ARHGEF3: variants seen among roughly 807,000 people sequenced by gnomAD.
ARHGEF3 encodes the protein 59.8 kDA protein.
ARHGEF3 carries 28 observed loss-of-function variants against 63.2 expected under a neutral mutation model. The observed-to-expected ratio is 0.44, with a 90% CI of 0.33 to 0.61. ARHGEF3 has a LOEUF of 0.61. Ranked by LOEUF, ARHGEF3 falls within the 20% of genes least tolerant of loss-of-function variation. The probability of loss-of-function intolerance (pLI) is 0.03; values close to 1 mark genes in which losing one functional copy is unlikely to be tolerated. For synonymous variants in ARHGEF3, 266 were observed against 254.2 expected (o/e 1.05, Z -0.44); for missense variants, 533 against 659.3 (o/e 0.81, Z 2.10).
rs376626083 is a variant in ARHGEF3 at position 56,729,449 on chromosome 3, G to C, written c.1402C>G (p.Leu468Val). The C allele has an allele frequency of 5.8e-5, 94 of 1,613,940 alleles. No homozygotes were observed. Among genetic ancestry groups the C allele is most frequent in the Admixed American group, 1.3e-4 (8 of 59,990 alleles). Residue 468 changes from leucine to valine, a missense_variant, in exon 10 of 10, where the codon CTA becomes GTA. By Grantham distance (32) the Leu-to-Val change is conservative. This residue lies in a region of ARHGEF3 where 115 missense variants were observed against 103.4 expected (regional missense o/e 1.11). Coordinates refer to ENST00000296315, the MANE Select transcript of ARHGEF3 (RefSeq NM_019555.3). The part of the protein sequence containing the change: ...AGVLDSEGSF[L>V]NPTTGSRELQ... ...TCTCTGCTCCCGGTGGTGGGATTTAGGAACGATCCCTCGGAGTCAAGCACC... is the reference window on the plus strand; with the variant it reads ...TCTCTGCTCCCGGTGGTGGGATTTACGAACGATCCCTCGGAGTCAAGCACC...
intron 2 of ARHGEF3, among the ~76,000 whole-genome samples, chr3:56,960,147 T>A (rs956656660): frequency 3.3e-5 from 5 of 152,138 alleles, no homozygotes; most frequent in African/African-American, 1.2e-4. Flanking sequence ...ACAAAAGAGA[T>A]AAAATACAAG....
rs866259310 is a variant in ARHGEF3, at chr3:56,729,518, G to A, written c.1333C>T (p.Arg445Cys). ...FNKQQWLNCI[R>C]QAKETVLCAA... ...CACAAAACTGTTTCTTTGGCTTGAC[G>A]AATACAGTTAAGCCACTGCTGTTTG... is the stretch of plus-strand genomic sequence containing the variant. The change falls in exon 10 of 10, where the codon CGT becomes TGT. Residue 445 changes from arginine to cysteine, a missense_variant. Physicochemically the swap from Arg to Cys is radical, Grantham distance 180. Transcript: ENST00000296315. The A allele has an allele frequency of 7.4e-6, 12 of 1,614,170 alleles. No homozygotes were observed. The highest frequency in any genetic ancestry group is 1.0e-5 in the Non-Finnish European group (12 of 1,180,028).
chr3:56,989,196 A>C (rs1701653711), intron 2 of ARHGEF3, among the ~76,000 whole-genome samples: 1 of 152,208 alleles, frequency 6.6e-6, no homozygotes. Context: ...CTTTTTTAAA[A>C]TCTGAACTGA....
intron 2 of ARHGEF3, among the ~76,000 whole-genome samples, chr3:57,002,732 A>G (rs2107044199): frequency 6.8e-6 from 1 of 147,008 alleles, no homozygotes; most frequent in East Asian, 2.0e-4. Context: ...AGCACTTCAT[A>G]TATTATTTCA....
intron 3 of ARHGEF3, among the ~76,000 whole-genome samples, chr3:56,888,275 A>G (rs560178947): frequency 2.0e-5 from 3 of 152,316 alleles, no homozygotes; most frequent in East Asian, 3.9e-4. Context: ...TCCCTGACCA[A>G]CGAATCTATC....
Position 56,906,845 on chromosome 3 carries a change from A to AAAAG in ARHGEF3, c.130-24495_130-24492dup, listed in dbSNP as rs1295502057. On this transcript the variant is annotated intron_variant, in intron 3 of 12. Coordinates refer to the ARHGEF3 transcript ENST00000338458. ...GAGCGAGACTCTGTCTCAAAAAAAA[A>AAAAG]AAAGAAAGAAAGAAAGAAAGAAATA... is the stretch of plus-strand genomic sequence containing the variant. 8.3e-4 allele frequency among the ~76,000 whole-genome samples: 126 copies of AAAAG among 151,972 alleles called. No homozygotes were observed. The Middle Eastern group carries it at 0.01, about 12-fold the overall frequency.
chr3:56,733,274 C>G (rs2033324362), intron 8 of ARHGEF3, among the ~76,000 whole-genome samples: 1 of 117,176 alleles, frequency 8.5e-6, no homozygotes, highest in Non-Finnish European at 1.6e-5. Context: ...CAGTGTGAGA[C>G]TCCATCTAAA....
At chr3:56,883,188 C>T (rs1385387978) in intron 3 of ARHGEF3, among the ~76,000 whole-genome samples, 1 of 152,102 alleles carries the variant, frequency 6.6e-6, no homozygotes, top group Non-Finnish European at 1.5e-5. Context: ...TGCTTTATAG[C>T]CATATGATTT....
At chr3:56,954,507 G>A (rs1490542720) in intron 3 of ARHGEF3, among the ~76,000 whole-genome samples, 1 of 152,142 alleles carries the variant, frequency 6.6e-6, no homozygotes, top group African/African-American at 2.4e-5. Context: ...CCCATTCTGT[G>A]AGGTTTTCTC....
At chr3:56,967,575 T>A (rs1374111690) in intron 2 of ARHGEF3, among the ~76,000 whole-genome samples, 1 of 88,032 alleles carries the variant, frequency 1.1e-5, no homozygotes, top group Non-Finnish European at 2.0e-5. Flanking sequence ...ATAATATATA[T>A]TATACATAAT....
chr3:57,054,944 C>T (rs569433713), intron 1 of ARHGEF3, among the ~76,000 whole-genome samples: 1 of 151,968 alleles, frequency 6.6e-6, no homozygotes, highest in East Asian at 2.0e-4. Context: ...CCATCGCACC[C>T]AGCAAAAAAA....
rs1477886439 is a variant in ARHGEF3, at chr3:56,813,347, C to T, written c.193-39531G>A. ...GTATTTTCTTTGCCACAGTCTATCC[C>T]ATTTTAATGCATGTTAGAGGTTTTC... On this transcript the variant is annotated intron_variant, in intron 4 of 12. Transcript: ENST00000338458. Among the ~76,000 whole-genome samples the T allele has an allele frequency of 2.0e-5, 3 of 152,174 alleles. No individual in the cohort carries two copies. In the East Asian group the frequency reaches 5.8e-4, roughly 29 times the overall value.
chr3:56,899,996 C>T (rs566620506), intron 3 of ARHGEF3, among the ~76,000 whole-genome samples: 3 of 152,278 alleles, frequency 2.0e-5, no homozygotes, highest in South Asian at 2.1e-4. Context: ...AAGATGGGCA[C>T]GTTATCTTTA....
chr3:57,018,145 G>A (rs1390860073), intron 2 of ARHGEF3, among the ~76,000 whole-genome samples: 1 of 152,042 alleles, frequency 6.6e-6, no homozygotes, highest in Admixed American at 6.6e-5. Context: ...TGGGCGTGGT[G>A]GCATATGCCT....
At chr3:56,928,081 C>T (rs1311239731) in intron 3 of ARHGEF3, among the ~76,000 whole-genome samples, 1 of 152,102 alleles carries the variant, frequency 6.6e-6, no homozygotes, top group Non-Finnish European at 1.5e-5. Flanking sequence ...GAAGGATGCA[C>T]CAAAGCTCTT....
chr3:56,834,113 C>T (rs909521479), intron 4 of ARHGEF3, among the ~76,000 whole-genome samples: 5 of 152,072 alleles, frequency 3.3e-5, no homozygotes, highest in Non-Finnish European at 7.4e-5. Context: ...CCATATTGGC[C>T]AGGCTGGTTC....
At chr3:56,838,501 G>C (rs532609334) in intron 4 of ARHGEF3, among the ~76,000 whole-genome samples, 4 of 152,120 alleles carry the variant, frequency 2.6e-5, no homozygotes, top group African/African-American at 9.7e-5. Context: ...AATACACACA[G>C]TAATGTTCTC....
intron 3 of ARHGEF3, among the ~76,000 whole-genome samples, chr3:56,906,496 T>C (rs942198564): frequency 6.6e-6 from 1 of 152,212 alleles, no homozygotes; most frequent in Non-Finnish European, 1.5e-5. Flanking sequence ...AAAAAGAGAA[T>C]GTAAAACATC....
intron 3 of ARHGEF3, among the ~76,000 whole-genome samples, chr3:56,929,381 T>A (rs1265453934): frequency 6.6e-6 from 1 of 152,194 alleles, no homozygotes; most frequent in East Asian, 1.9e-4. Context: ...ACTAAAGAGC[T>A]TCACATGAAA....
Sources: allele counts gnomAD v4.1 joint callset (sites outside exome capture counted in the v4.1 genomes callset), GRCh38; gene constraint gnomAD v4.1.1; regional missense constraint gnomAD v4.1.1; transcripts MANE v1.5; gene names NCBI Gene and HGNC (gene_info 2026-07-23, HGNC 2026-07-21).